DACH2: variants seen among roughly 807,000 people sequenced by gnomAD.
The protein encoded by DACH2 is dachshund family transcription factor 2, also known as dachshund homolog 2.
Under a neutral mutation model 35.8 loss-of-function variants are expected in DACH2, and 17 were observed. That is an observed-to-expected ratio of 0.48 (90% confidence interval 0.33 to 0.71). The LOEUF is 0.71. DACH2 is among the 30% of genes least tolerant of loss of function. The probability of loss-of-function intolerance (pLI) is 0.02; values close to 1 mark genes in which losing one functional copy is unlikely to be tolerated. For synonymous variants in DACH2, 195 were observed against 177.3 expected (o/e 1.10, Z -0.79); for missense variants, 469 against 472.7 (o/e 0.99, Z 0.07).
chrX:86,554,081 G>C (rs983809574), intron 3 of DACH2, among the ~76,000 whole-genome samples: 1 of 110,768 alleles, frequency 9.0e-6, no homozygotes, highest in Non-Finnish European at 1.9e-5. Flanking sequence ...CTATAATGTA[G>C]CTAATTTAGA....
chrX:86,233,738 G>T (rs752918174), intron 1 of DACH2, among the ~76,000 whole-genome samples: 1 of 111,792 alleles, frequency 8.9e-6, no homozygotes, highest in African/African-American at 3.3e-5. Flanking sequence ...CATGGTTGGG[G>T]AGGCCTCAGA....
At position 86,243,486 on chromosome X, in the gene DACH2, G is replaced by A. The variant is rs2147944147; in HGVS notation, c.488+94378G>A. Among the ~76,000 whole-genome samples, 2 of 111,805 alleles carry A rather than the reference G, an allele frequency of 1.8e-5. 1 individual carries two copies. Among genetic ancestry groups the A allele is most frequent in the South Asian group, 7.5e-4 (2 of 2,660 alleles). ...TAAAAAATAACTGGATCATAGTGAA[G>A]AGATAGTTTCTCTGTCAGTTTTCAT... On this transcript the variant is annotated intron_variant, in intron 1 of 11. Transcript: ENST00000373125.
chrX:86,746,366 A>G (rs1326519912), intron 7 of DACH2, among the ~76,000 whole-genome samples: 2 of 111,536 alleles, frequency 1.8e-5, no homozygotes, highest in Non-Finnish European at 3.8e-5. Context: ...TTACATTTCC[A>G]CCAGCAATAT....
chrX:86,622,753 TTG>T (rs890014019), intron 3 of DACH2, among the ~76,000 whole-genome samples: 2 of 111,978 alleles, frequency 1.8e-5, no homozygotes, highest in African/African-American at 6.5e-5. Context: ...CTTAAAAACT[TTG>T]TTTAAAATGT....
chrX:86,458,456 G>T (rs953487217), intron 2 of DACH2, among the ~76,000 whole-genome samples: 1 of 111,405 alleles, frequency 9.0e-6, no homozygotes, highest in African/African-American at 3.3e-5. Context: ...TATAACAAAA[G>T]AGAACACTTG....
intron 7 of DACH2, among the ~76,000 whole-genome samples, chrX:86,751,065 A>G (rs1382483084): frequency 1.8e-5 from 2 of 111,495 alleles, no homozygotes; most frequent in Non-Finnish European, 1.9e-5. Flanking sequence ...TATTGCAACT[A>G]AAAGTGCACA....
At chrX:86,396,691 A>G (rs954223977) in intron 2 of DACH2, among the ~76,000 whole-genome samples, 2 of 111,151 alleles carry the variant, frequency 1.8e-5, no homozygotes, top group African/African-American at 3.3e-5. Flanking sequence ...CAAAGATCAG[A>G]TAGTTGCAGA....
intron 4 of DACH2, among the ~76,000 whole-genome samples, chrX:86,682,230 C>T (rs943765741): frequency 2.7e-5 from 3 of 111,474 alleles, no homozygotes; most frequent in African/African-American, 6.5e-5. Flanking sequence ...TCATTTTGTT[C>T]CTCAGATTCT....
intron 3 of DACH2, among the ~76,000 whole-genome samples, chrX:86,617,294 T>C (rs2040016933): frequency 9.0e-6 from 1 of 111,315 alleles, no homozygotes; most frequent in Admixed American, 9.6e-5. Flanking sequence ...AATAGTTTTT[T>C]TTTTCTACTT....
intron 7 of DACH2, among the ~76,000 whole-genome samples, chrX:86,772,474 A>C (rs2041996064): frequency 9.0e-6 from 1 of 111,630 alleles, no homozygotes; most frequent in African/African-American, 3.3e-5. Context: ...ATTATATATA[A>C]CTAAGAAAAC....
At chrX:86,827,761 T>C in intron 11 of DACH2, 1 of 1,166,374 alleles carries the variant, frequency 8.6e-7, no homozygotes, top group African/African-American at 1.8e-5. Flanking sequence ...GTTTTTTCTG[T>C]GCAGCCTGAA....
At chrX:86,500,090 CT>C (rs1050436031) in intron 2 of DACH2, among the ~76,000 whole-genome samples, 2 of 110,948 alleles carry the variant, frequency 1.8e-5, no homozygotes, top group African/African-American at 3.3e-5. Context: ...AATTGGGGAT[CT>C]TTTTTTTATT....
At chrX:86,566,419 G>A (rs1341902954) in intron 3 of DACH2, among the ~76,000 whole-genome samples, 1 of 111,204 alleles carries the variant, frequency 9.0e-6, no homozygotes, top group Admixed American at 9.6e-5. Flanking sequence ...GACTTTTGAG[G>A]GGAGTTCTAT....
chrX:86,658,895 C>A (rs961034366), intron 4 of DACH2, among the ~76,000 whole-genome samples: 1 of 111,526 alleles, frequency 9.0e-6, no homozygotes, highest in East Asian at 2.8e-4. Context: ...ATTATAACCA[C>A]GTAAATCTTT....
intron 3 of DACH2, among the ~76,000 whole-genome samples, chrX:86,539,770 A>C (rs922313091): frequency 8.9e-6 from 1 of 111,735 alleles, no homozygotes; most frequent in Non-Finnish European, 1.9e-5. Flanking sequence ...TCAGCCTCAT[A>C]CATTTGTTAT....
intron 3 of DACH2, among the ~76,000 whole-genome samples, chrX:86,523,975 A>G (rs765506053): frequency 8.9e-6 from 1 of 111,990 alleles, no homozygotes; most frequent in East Asian, 2.8e-4. Flanking sequence ...TATCCCCAGA[A>G]CAGGGAGTGG....
At position 86,292,622 on chromosome X, in the gene DACH2, T is replaced by G. The variant is rs745329210; in HGVS notation, c.489-84202T>G. Among the ~76,000 whole-genome samples the G allele has an allele frequency of 9.2e-3, 1,013 of 110,610 alleles. 9 individuals are homozygous for G. The highest frequency in any genetic ancestry group is 0.029 in the African/African-American group (871 of 30,363). On this transcript the variant is annotated intron_variant, in intron 1 of 11. Transcript: ENST00000373125. ...ATGCGTCCCAGAGATTCTGGTATGT[T>G]GTGTCTTTGTTCTCATTGGTTTCAA... is the stretch of plus-strand genomic sequence containing the variant.
chrX:86,275,300 C>A (rs1417039479), intron 1 of DACH2, among the ~76,000 whole-genome samples: 1 of 111,976 alleles, frequency 8.9e-6, no homozygotes, highest in African/African-American at 3.2e-5. Flanking sequence ...AGATATTTTT[C>A]TTTCAAAAAT....
intron 2 of DACH2, among the ~76,000 whole-genome samples, chrX:86,417,513 A>T (rs773392952): frequency 2.5e-3 from 280 of 110,418 alleles, no homozygotes; most frequent in African/African-American, 8.9e-3. Context: ...AAGAGAGAGA[A>T]CTTGTGCCGG....
Sources: allele counts gnomAD v4.1 joint callset (sites outside exome capture counted in the v4.1 genomes callset), GRCh38; gene constraint gnomAD v4.1.1; transcripts MANE v1.5; gene names NCBI Gene and HGNC (gene_info 2026-07-23, HGNC 2026-07-21).